ICAM3: variants seen among roughly 807,000 people sequenced by gnomAD.
ICAM3 encodes the protein ICAM-3.
A neutral mutation model predicts 43.6 loss-of-function variants in ICAM3; 54 were observed. That is an observed-to-expected ratio of 1.24 (90% confidence interval 0.99 to 1.55). The LOEUF (loss-of-function observed/expected upper bound fraction) is 1.55. Ranked by LOEUF, ICAM3 falls within the 40% of genes most tolerant of loss-of-function variation. ICAM3 has a pLI of 0.00. For synonymous variants in ICAM3, 306 were observed against 312.6 expected, an observed-to-expected ratio of 0.98 and a Z score of 0.22; for missense variants, 715 against 717.9, an observed-to-expected ratio of 1.00 and a Z score of 0.05.
At chr19:10,338,092 C>A (rs1157332042) in intron 2 of ICAM3, among the ~76,000 whole-genome samples, 1 of 139,432 alleles carries the variant, frequency 7.2e-6, no homozygotes, top group African/African-American at 2.7e-5. Flanking sequence ...GTAAGAGACG[C>A]CATCTCAAAA....
At chr19:10,338,195 G>T (rs370194104) in intron 2 of ICAM3, among the ~76,000 whole-genome samples, 1 of 152,066 alleles carries the variant, frequency 6.6e-6, no homozygotes, top group South Asian at 2.1e-4. Context: ...CCTGAGGTCA[G>T]GAGTTCAAGA....
rs766015350 is a variant in ICAM3, at chr19:10,338,797, A to C, written c.228T>G (p.Ser76Arg). 13 of 1,614,160 alleles carry C rather than the reference A, an allele frequency of 8.1e-6. No individual in the cohort carries two copies. Among genetic ancestry groups the C allele is most frequent in the Non-Finnish European group, 1.1e-5 (13 of 1,180,008 alleles). ...GATTGAAGGCTGCCCAGCCCATGCC[A>C]CTGGCCACCAGCTCCTTTGATAGGG... ...ETSLSKELVA[S>R]GMGWAAFNLS... Residue 76 changes from serine (S) to arginine (R), a missense_variant, in exon 2 of 7, where the codon AGT (serine) becomes AGG (arginine). Ser to Arg is a moderately radical substitution (Grantham distance 110). Transcript: ENST00000160262.
chr19:10,334,199 G>A lies in ICAM3; in HGVS notation c.1402C>T (p.Arg468Ter). ...ACCACGACCAGGGTGTATTTGCCTC[G>A]TGAGCTGGACGCTTGGCACTGATAA... is the stretch of plus-strand genomic sequence containing the variant. ...GTYQCQASSS[R>*]GKYTLVVVMD... Residue 468 changes from arginine (R) to a stop codon, truncating the protein, a stop_gained, in exon 6 of 7, where the codon CGA (arginine) becomes TGA (stop). Coordinates refer to ENST00000160262, the MANE Select transcript of ICAM3 (RefSeq NM_002162.5). LOFTEE classifies it low-confidence loss of function (END_TRUNC). The surrounding 1 kb of genome is among the most constrained non-coding windows in gnomAD (Gnocchi z 5.5). The A allele has an allele frequency of 6.2e-7, 1 of 1,613,894 alleles. No homozygotes were observed. Among genetic ancestry groups the A allele is most frequent in the East Asian group, 2.2e-5 (1 of 44,874 alleles).
rs748450679 is a variant in ICAM3 at position 10,334,764 on chromosome 19, A to T, written c.956T>A (p.Val319Glu). Residue 319 changes from valine (V) to glutamate (E), a missense_variant, in exon 5 of 7, where the codon GTG becomes GAG. Val to Glu is a moderately radical substitution (Grantham distance 121, BLOSUM62 -2). Coordinates refer to ENST00000160262, the MANE Select transcript of ICAM3 (RefSeq NM_002162.5). This position sits in a 1 kb window ranked among gnomAD's most constrained non-coding sequence, Gnocchi z 5.5. ...LTVFSFLGPI[V>E]NLSEPTAHEG... ...ATGGGCGGTGGGCTCGCTGAGGTTC[A>T]CAATGGGTCCTAGGAAGCCTAAAGG... 4 of 1,604,876 alleles carry T rather than the reference A, an allele frequency of 2.5e-6. No homozygotes were observed. The highest frequency in any genetic ancestry group is 3.4e-6 in the Non-Finnish European group (4 of 1,174,444).
chr19:10,334,906 C>T lies in ICAM3; in HGVS notation c.938-124G>A. ...CACGCTTTCGGCCGTTCAAGCCTCG[C>T]CCTCTTTCCGCGCTGTGTCCAGCTT... On this transcript the variant is annotated intron_variant, in intron 4 of 6. Coordinates refer to ENST00000160262, the MANE Select transcript of ICAM3 (RefSeq NM_002162.5). This position sits in a 1 kb window ranked among gnomAD's most constrained non-coding sequence, Gnocchi z 5.5. The T allele has an allele frequency of 1.4e-6, 2 of 1,454,046 alleles. No homozygotes were observed. Among genetic ancestry groups the T allele is most frequent in the South Asian group, 1.4e-5 (1 of 73,436 alleles). 90.1% of individuals were successfully genotyped at this position (1,454,046 alleles called of 1,614,324 possible).
chr19:10,339,203 T>C lies in ICAM3; in HGVS notation c.77-255A>G, dbSNP rs1475389648. 6.8e-6 allele frequency: 4 copies of C among 588,186 alleles called. No homozygotes were observed. The Admixed American group carries it at 1.2e-4, about 18-fold the overall frequency. 36.4% of individuals were successfully genotyped at this position (588,186 alleles called of 1,614,324 possible). On this transcript the variant is annotated intron_variant, in intron 1 of 6. Transcript: ENST00000160262. The stretch of plus-strand genomic sequence containing the variant: ...AGCGGGGACCATTGCAGCCCGAAAC[T>C]GAAGGCTAAGTAGGAGTTAGCAAGT...
intron 1 of ICAM3, 126 bp from the exon 2 acceptor site, chr19:10,339,074 GT>G: frequency 9.8e-7 from 1 of 1,021,178 alleles, no homozygotes; most frequent in Non-Finnish European, 1.4e-6. Context: ...TCATGGTCCA[GT>G]GGGAAAGGTA....
chr19:10,334,828 T>A lies in ICAM3; in HGVS notation c.938-46A>T. 1 of 1,530,922 alleles carries A rather than the reference T, an allele frequency of 6.5e-7. No homozygotes were observed. Among genetic ancestry groups the A allele is most frequent in the Non-Finnish European group, 8.8e-7 (1 of 1,139,260 alleles). 94.8% of individuals were successfully genotyped at this position (1,530,922 alleles called of 1,614,324 possible). A position where few individuals can be genotyped will look rare whatever the true frequency, so the allele number is the denominator to read the frequency against. Reference sequence around the variant, plus strand: ...AGGAGCTTAATGAACAGGACCTTCCTGTGGGTCAAGCCGCTCCCTCCGCCC... The same window carrying A: ...AGGAGCTTAATGAACAGGACCTTCCAGTGGGTCAAGCCGCTCCCTCCGCCC... On this transcript the variant is annotated intron_variant, in intron 4 of 6. Coordinates refer to ENST00000160262, the MANE Select transcript of ICAM3 (RefSeq NM_002162.5). This position sits in a 1 kb window ranked among gnomAD's most constrained non-coding sequence, Gnocchi z 5.5.
Position 10,334,973 on chromosome 19 carries a change from C to G in ICAM3, c.937+93G>C. 1 of 1,519,192 alleles carries G rather than the reference C, an allele frequency of 6.6e-7. No individual in the cohort carries two copies. The highest frequency in any genetic ancestry group is 8.9e-7 in the Non-Finnish European group (1 of 1,125,642). 94.1% of individuals were successfully genotyped at this position (1,519,192 alleles called of 1,614,324 possible). ...ACCCACGTTGCAACTGCTATTGGGG[C>G]AAGCCAGGCCCCACCTTTTCGGCTA... On this transcript the variant is annotated intron_variant, in intron 4 of 6. Transcript: ENST00000160262. This position sits in a 1 kb window ranked among gnomAD's most constrained non-coding sequence, Gnocchi z 5.5.
At chr19:10,338,403 C>CA (rs201095769) in intron 2 of ICAM3, among the ~76,000 whole-genome samples, 20,906 of 126,258 alleles carry the variant, frequency 0.17, 1,708 homozygotes, top group Middle Eastern at 0.23. Context: ...AACTCTGTCT[C>CA]AAAAAAAAAA....
chr19:10,338,909 T>C lies in ICAM3; in HGVS notation c.116A>G (p.Gln39Arg), dbSNP rs759107501. 6.2e-7 allele frequency: 1 copy of C among 1,614,086 alleles called. No individual in the cohort carries two copies. The highest frequency in any genetic ancestry group is 1.7e-5 in the Admixed American group (1 of 60,006). Residue 39 changes from glutamine (Q) to arginine (R), a missense_variant, in exon 2 of 7, where the codon CAG becomes CGG. Coordinates refer to ENST00000160262, the MANE Select transcript of ICAM3 (RefSeq NM_002162.5). ...CCCTCCAGCAGAGAGCACAGGGTTC[T>C]GGGGCTCCACCCGCAAAAGGAACTC... ...GQEFLLRVEP[Q>R]NPVLSAGGSL...
chr19:10,334,219 T>A lies in ICAM3; in HGVS notation c.1382A>T (p.Gln461Leu). The A allele has an allele frequency of 6.2e-7, 1 of 1,613,962 alleles. No homozygotes were observed. The highest frequency in any genetic ancestry group is 8.5e-7 in the Non-Finnish European group (1 of 1,179,984). ...GCCTCGTGAGCTGGACGCTTGGCAC[T>A]GATAAGTACCATTATGTGTTACGTT... ...FVNVTHNGTY[Q>L]CQASSSRGKY... is the part of the protein sequence containing the mutation. The change falls in exon 6 of 7, where the codon CAG becomes CTG. Residue 461 changes from glutamine to leucine, a missense_variant. By Grantham distance (113) the Gln-to-Leu change is moderately radical. Transcript: ENST00000160262. The surrounding 1 kb of genome is among the most constrained non-coding windows in gnomAD (Gnocchi z 5.5).
rs2040555445 is a variant in ICAM3 at position 10,334,201 on chromosome 19, G to A, written c.1400C>T (p.Ser467Leu). ...NGTYQCQASS[S>L]RGKYTLVVVM... ...CACGACCAGGGTGTATTTGCCTCGT[G>A]AGCTGGACGCTTGGCACTGATAAGT... The change falls in exon 6 of 7, where the codon TCA becomes TTA. Residue 467 changes from serine (S) to leucine (L), a missense_variant. By Grantham distance (145) the Ser-to-Leu change is moderately radical. Transcript: ENST00000160262. This position sits in a 1 kb window ranked among gnomAD's most constrained non-coding sequence, Gnocchi z 5.5. The A allele has an allele frequency of 6.2e-7, 1 of 1,614,050 alleles. No homozygotes were observed. The highest frequency in any genetic ancestry group is 1.7e-5 in the Admixed American group (1 of 59,994).
In ICAM3 at chr19:10,334,365, T is replaced by C; in HGVS notation, c.1236A>G (p.Lys412=). The C allele has an allele frequency of 1.2e-6, 2 of 1,614,164 alleles. No homozygotes were observed. The highest frequency in any genetic ancestry group is 2.2e-5 in the South Asian group (2 of 91,086). ...IDRATCPQHL[K]WKDKTRHVLQ... ...GGACGTGTCTCGTTTTATCTTTCCA[T>C]TTCAAGTGCTGGGGGCATGTGGCTC... Residue 412 remains lysine, a synonymous_variant, in exon 6 of 7, where the codon AAA becomes AAG. Coordinates refer to ENST00000160262, the MANE Select transcript of ICAM3 (RefSeq NM_002162.5). The surrounding 1 kb of genome is among the most constrained non-coding windows in gnomAD (Gnocchi z 5.5).
At chr19:10,339,252 G>T (rs1220559029) in intron 1 of ICAM3, 5 of 581,318 alleles carry the variant, frequency 8.6e-6, no homozygotes, top group Non-Finnish European at 1.5e-5. Flanking sequence ...GATCCTGGCA[G>T]AGGGAAGCAC....
At chr19:10,339,180 C>T (rs897276872) in intron 1 of ICAM3, 6 of 596,364 alleles carry the variant, frequency 1.0e-5, no homozygotes, top group East Asian at 2.8e-5. Context: ...TTCCTGGAAG[C>T]GGGGACCATT....
In ICAM3 at chr19:10,335,295, C is replaced by T. The variant is rs770666856; in HGVS notation, c.708G>A (p.Ser236=). The change falls in exon 4 of 7, where the codon TCG becomes TCA. Residue 236 remains serine (S), a synonymous_variant. Transcript: ENST00000160262. ...VAPRFLEVET[S]WPVDCTLDGL... Reference sequence around the variant, plus strand: ...CGTCTAGGGTGCAGTCCACCGGCCACGACGTTTCCACCTCCAAGAACCGGG... The same window carrying T: ...CGTCTAGGGTGCAGTCCACCGGCCATGACGTTTCCACCTCCAAGAACCGGG... The T allele has an allele frequency of 1.9e-6, 3 of 1,612,826 alleles. No homozygotes were observed. The highest frequency in any genetic ancestry group is 2.5e-6 in the Non-Finnish European group (3 of 1,179,898).
chr19:10,336,027 C>T, intron 2 of ICAM3, 51 bp from the exon 3 acceptor site: 1 of 1,470,656 alleles, frequency 6.8e-7, no homozygotes. Context: ...AACCCACCCA[C>T]TCACCCCAGG....
At chr19:10,335,389 A>G in intron 3 of ICAM3, 36 bp from the exon 4 acceptor site, 2 of 1,528,688 alleles carry the variant, frequency 1.3e-6, no homozygotes, top group Non-Finnish European at 1.8e-6. Flanking sequence ...AACCCCCAGG[A>G]CTGTGCCTTC....
Sources: gnomAD v4.1 joint callset for allele counts (sites outside exome capture counted in the v4.1 genomes callset) on GRCh38, gnomAD v4.1.1 for gene constraint, Gnocchi (gnomAD v3.1) non-coding constraint, MANE v1.5 for transcripts, NCBI Gene and HGNC (gene_info 2026-07-23, HGNC 2026-07-21) for gene names.